The following CCDC60 variants were observed in gnomAD, a reference collection of about 807,000 sequenced individuals.
The protein encoded by CCDC60 is coiled-coil domain-containing protein 60.
A neutral mutation model predicts 63.5 loss-of-function variants in CCDC60; 54 were observed. The ratio of observed to expected loss-of-function variants is 0.85; its 90% CI spans 0.68 to 1.07. The LOEUF is 1.07. CCDC60 is among the 50% of genes least tolerant of loss of function. CCDC60 has a pLI of 0.00. For synonymous variants in CCDC60, 206 were observed against 238.8 expected, an observed-to-expected ratio of 0.86 and a Z score of 1.27; for missense variants, 651 against 684.3, an observed-to-expected ratio of 0.95 and a Z score of 0.54.
At chr12:119,531,213 C>T (rs1196192368) in intron 13 of CCDC60, 150 bp downstream of exon 13, 1 of 671,552 alleles carries the variant, frequency 1.5e-6, no homozygotes, top group African/African-American at 1.8e-5. Flanking sequence ...GTCCCATTAC[C>T]TGGTTGCCCA....
chr12:119,521,911 T>C (rs1952540383), intron 9 of CCDC60, among the ~76,000 whole-genome samples: 1 of 152,188 alleles, frequency 6.6e-6, no homozygotes, highest in Admixed American at 6.5e-5. Flanking sequence ...GCCTGCTTCT[T>C]ACCCAAGTAG....
chr12:119,366,413 A>C (rs1198218400), intron 1 of CCDC60, among the ~76,000 whole-genome samples: 1 of 152,178 alleles, frequency 6.6e-6, no homozygotes, highest in African/African-American at 2.4e-5. Flanking sequence ...CATGTTTAGG[A>C]GACTCTTCTG....
intron 13 of CCDC60, 72 bp downstream of exon 13, chr12:119,531,135 C>A: frequency 7.4e-7 from 1 of 1,343,762 alleles, no homozygotes. Context: ...CATTCAGGCA[C>A]TGTTTAAGTG....
At chr12:119,515,344 A>C (rs538571728) in intron 7 of CCDC60, among the ~76,000 whole-genome samples, 25 of 152,178 alleles carry the variant, frequency 1.6e-4, no homozygotes, top group Admixed American at 4.6e-4. Context: ...TTCTGAGACA[A>C]GAGTCTCACT....
chr12:119,500,796 G>T (rs999372750), intron 6 of CCDC60, among the ~76,000 whole-genome samples: 1 of 152,176 alleles, frequency 6.6e-6, no homozygotes, highest in Non-Finnish European at 1.5e-5. Context: ...GGAGGCTGCA[G>T]TGAGCTATGA....
At chr12:119,491,988 G>A (rs1453554947) in intron 5 of CCDC60, among the ~76,000 whole-genome samples, 2 of 152,170 alleles carry the variant, frequency 1.3e-5, no homozygotes, top group African/African-American at 2.4e-5. Context: ...AGACGTAGTG[G>A]TCACATTGAG....
intron 4 of CCDC60, among the ~76,000 whole-genome samples, chr12:119,481,967 A>ATATATATAGTATATATATG (rs1566033686): frequency 3.2e-5 from 4 of 125,910 alleles, no homozygotes; most frequent in African/African-American, 1.4e-4. Context: ...ATTCCATCAT[A>ATATATATAGTATATATATG]TATATATAGT....
At chr12:119,409,368 ACT>A (rs1004279309) in intron 1 of CCDC60, among the ~76,000 whole-genome samples, 37 of 152,154 alleles carry the variant, frequency 2.4e-4, no homozygotes, top group African/African-American at 8.9e-4. Context: ...ATGGGCATCT[ACT>A]TACTAGATGC....
At chr12:119,532,233 A>T (rs1952864900) in intron 13 of CCDC60, among the ~76,000 whole-genome samples, 1 of 152,108 alleles carries the variant, frequency 6.6e-6, no homozygotes, top group African/African-American at 2.4e-5. Flanking sequence ...TTTACCAGTT[A>T]TGGGGTCCAA....
chr12:119,340,833 C>G (rs2136142147), intron 1 of CCDC60, among the ~76,000 whole-genome samples: 1 of 152,224 alleles, frequency 6.6e-6, no homozygotes, highest in East Asian at 1.9e-4. Flanking sequence ...TCTCTCTGGC[C>G]TCTAATCACT....
chr12:119,444,435 C>A (rs1463207706), intron 2 of CCDC60, among the ~76,000 whole-genome samples: 2 of 152,206 alleles, frequency 1.3e-5, no homozygotes, highest in Admixed American at 1.3e-4. Context: ...AGGGCCATTT[C>A]TTTTGTAACA....
chr12:119,498,517 A>T (rs937922379), intron 5 of CCDC60, among the ~76,000 whole-genome samples: 17 of 151,946 alleles, frequency 1.1e-4, no homozygotes, highest in African/African-American at 3.9e-4. Flanking sequence ...TTGTATTTTT[A>T]GTAGAGACAG....
At chr12:119,390,531 A>G (rs1182060278) in intron 1 of CCDC60, among the ~76,000 whole-genome samples, 1 of 152,242 alleles carries the variant, frequency 6.6e-6, no homozygotes, top group Non-Finnish European at 1.5e-5. Context: ...GAATGAATGA[A>G]TGAATGGACA....
At chr12:119,485,429 A>G (rs1317440924) in intron 4 of CCDC60, among the ~76,000 whole-genome samples, 1 of 152,164 alleles carries the variant, frequency 6.6e-6, no homozygotes, top group Non-Finnish European at 1.5e-5. Flanking sequence ...GCCATAGTAA[A>G]CTACTAGACT....
chr12:119,527,415 C>T (rs1952707070), intron 11 of CCDC60, among the ~76,000 whole-genome samples: 2 of 151,938 alleles, frequency 1.3e-5, no homozygotes, highest in South Asian at 2.1e-4. Context: ...AAATCTAAAA[C>T]AAATTTTTAA....
intron 2 of CCDC60, among the ~76,000 whole-genome samples, chr12:119,463,290 A>G (rs516016): frequency 0.52 from 78,683 of 152,020 alleles, 20,631 homozygotes; most frequent in South Asian, 0.68. Context: ...CCAGTGGCTC[A>G]TGGAAACTTC....
Position 119,486,157 on chromosome 12 carries a change from G to A in CCDC60, c.450-2602G>A, listed in dbSNP as rs543807971. Among the ~76,000 whole-genome samples the A allele has an allele frequency of 1.6e-4, 24 of 152,338 alleles. 1 individual carries two copies. Among genetic ancestry groups the A allele is most frequent in the Middle Eastern group, 6.8e-3 (2 of 294 alleles). On this transcript the variant is annotated intron_variant, in intron 4 of 13. Transcript: ENST00000327554. The stretch of plus-strand genomic sequence containing the variant: ...CAGCTAGCTGCTGCTATTGCTAAAT[G>A]CTGGACATGGCCTATGTACCCAGAC...
chr12:119,421,662 T>C (rs887238218), intron 1 of CCDC60, among the ~76,000 whole-genome samples: 1 of 152,142 alleles, frequency 6.6e-6, no homozygotes, highest in African/African-American at 2.4e-5. Flanking sequence ...GGGATTGGCA[T>C]TAGTTCTGGT....
At chr12:119,519,100 TTC>T (rs1443152297) in intron 8 of CCDC60, among the ~76,000 whole-genome samples, 3 of 152,190 alleles carry the variant, frequency 2.0e-5, no homozygotes, top group African/African-American at 7.2e-5. Flanking sequence ...AAGCTGCAGA[TTC>T]TCTTTTGCCC....
Sources: allele counts gnomAD v4.1 joint callset (sites outside exome capture counted in the v4.1 genomes callset), GRCh38; gene constraint gnomAD v4.1.1; transcripts MANE v1.5; gene names NCBI Gene and HGNC (gene_info 2026-07-23, HGNC 2026-07-21).